The following NRN1L variants were observed in gnomAD, a reference collection of about 807,000 sequenced individuals.
NRN1L encodes the protein neuritin 1 like, also known as neuritin-like protein.
Under a neutral mutation model 8.8 loss-of-function variants are expected in NRN1L, and 12 were observed. That is an observed-to-expected ratio of 1.36 (90% CI 0.87 to 2.20). The LOEUF (loss-of-function observed/expected upper bound fraction) is 2.20, where lower values mean the gene tolerates loss of function less well. Ranked by LOEUF, NRN1L falls within the 30% of genes most tolerant of loss-of-function variation. The pLI is 0.00. For missense variants in NRN1L, 266 were observed against 232.4 expected (o/e 1.14, Z -0.94); for synonymous variants, 114 against 99.2 (o/e 1.15, Z -0.88).
At chr16:67,888,328 G>T (rs1038074021), downstream of NRN1L, among the ~76,000 whole-genome samples, 1 of 152,116 alleles carries the variant, frequency 6.6e-6, no homozygotes, top group South Asian at 2.1e-4. Flanking sequence ...GGGAAGGATG[G>T]TGCTGGGGCT....
At chr16:67,885,334 G>A (rs2058090996) in intron 1 of NRN1L, 7 of 487,168 alleles carry the variant, frequency 1.4e-5, no homozygotes, top group Admixed American at 3.9e-5. Context: ...GAGAGAGTTC[G>A]GAGGGCCAAG....
chr16:67,885,025 C>T (rs1362767166), intron 1 of NRN1L, 43 bp downstream of exon 1: 2 of 1,543,476 alleles, frequency 1.3e-6, no homozygotes. Context: ...CCCCTTCTCG[C>T]CCAGCCAAGC....
intron 1 of NRN1L, 29 bp from the exon 2 acceptor site, chr16:67,885,693 T>TCCCCCCCCCC: frequency 8.0e-6 from 10 of 1,257,210 alleles, no homozygotes; most frequent in South Asian, 2.8e-5. Flanking sequence ...TACCATTCCT[T>TCCCCCCCCCC]CCCCACCCCA....
At position 67,886,134 on chromosome 16, in the gene NRN1L, G is replaced by A. The variant is rs963849558; in HGVS notation, c.373G>A (p.Gly125Ser). Residue 125 changes from glycine to serine, a missense_variant, in exon 3 of 3, where the codon GGC (glycine) becomes AGC (serine). Transcript: ENST00000339176. ...CGAPVHVRERGTGSETNQETL... is the reference protein window; with the variant it reads ...CGAPVHVRERSTGSETNQETL... ...TGCCCCGGTGCATGTTCGGGAGCGCGGCACAGGCTCCGAAACCAACCAGGA... is the reference window on the plus strand; with the variant it reads ...TGCCCCGGTGCATGTTCGGGAGCGCAGCACAGGCTCCGAAACCAACCAGGA... 7 of 1,611,896 alleles carry A rather than the reference G, an allele frequency of 4.3e-6. No individual in the cohort carries two copies. Among genetic ancestry groups the A allele is most frequent in the East Asian group, 4.5e-5 (2 of 44,850 alleles).
downstream of NRN1L, among the ~76,000 whole-genome samples, chr16:67,887,026 T>C (rs2058098803): frequency 6.6e-6 from 1 of 152,146 alleles, no homozygotes; most frequent in South Asian, 2.1e-4. Flanking sequence ...GTCAAAACAA[T>C]TGCAGAAGGC....
rs2058094949 is a variant in NRN1L, at chr16:67,886,068, C to T, written c.307C>T (p.Arg103Cys). Residue 103 changes from arginine (R) to cysteine (C), a missense_variant, in exon 3 of 3, where the codon CGC (arginine) becomes TGC (cysteine). Coordinates refer to ENST00000339176, the MANE Select transcript of NRN1L (RefSeq NM_198443.2). The stretch of plus-strand genomic sequence containing the variant: ...GTGGGAATCACTACAGCAAGAAGCT[C>T]GCCAGGCCCCCCGTCCGAATAACTT... ...AVWESLQQEA[R>C]QAPRPNNLHT... 6.2e-6 allele frequency: 10 copies of T among 1,613,608 alleles called. No homozygotes were observed. The highest frequency in any genetic ancestry group is 4.4e-5 in the South Asian group (4 of 91,012).
chr16:67,886,308 G>A lies in NRN1L; in HGVS notation c.*49G>A. ...CCGTACCTCCAGCCCTGCTCTGGCG[G>A]TGGTTGTCCAGGCTCTGCAGAGCGC... On this transcript the variant is annotated 3_prime_UTR_variant, in exon 3 of 3. Transcript: ENST00000339176. 1 of 1,485,224 alleles carries A rather than the reference G, an allele frequency of 6.7e-7. No individual in the cohort carries two copies. The allele number at this position is 1,485,224 out of a possible 1,614,324, so 92.0% of individuals were successfully genotyped here.
chr16:67,885,703 A>ACC lies in NRN1L; in HGVS notation c.80-15_80-14dup. ...CTATCTACCATTCCTTCCCCACCCCACCCCCGCCCCACTTCTAGTCCTTTT... is the reference window on the plus strand; with the variant it reads ...CTATCTACCATTCCTTCCCCACCCCACCCCCCCGCCCCACTTCTAGTCCTTTT... On this transcript the variant is annotated intron_variant, in intron 1 of 2. Transcript: ENST00000339176. 6 of 635,096 alleles carry ACC rather than the reference A, an allele frequency of 9.4e-6. No homozygotes were observed. Among genetic ancestry groups the ACC allele is most frequent in the Non-Finnish European group, 1.2e-5 (5 of 414,500 alleles). The allele number at this position is 635,096 out of a possible 1,614,324, so 39.3% of individuals were successfully genotyped here.
intron 1 of NRN1L, 186 bp downstream of exon 1, chr16:67,885,168 A>C: frequency 1.7e-6 from 1 of 605,968 alleles, no homozygotes; most frequent in Non-Finnish European, 2.9e-6. Context: ...TGGGAGAAGG[A>C]CTCCAAAATT....
chr16:67,888,069 A>G (rs2058101968), downstream of NRN1L, among the ~76,000 whole-genome samples: 1 of 152,200 alleles, frequency 6.6e-6, no homozygotes, highest in Non-Finnish European at 1.5e-5. Context: ...GTCTAGGTAC[A>G]GGTCAGAATT....
In NRN1L at chr16:67,886,039, C is replaced by A; in HGVS notation, c.278C>A (p.Ala93Glu). 6.2e-7 allele frequency: 1 copy of A among 1,613,990 alleles called. No homozygotes were observed. Among genetic ancestry groups the A allele is most frequent in the Non-Finnish European group, 8.5e-7 (1 of 1,179,874 alleles). The change falls in exon 3 of 3, where the codon GCA (alanine) becomes GAA (glutamate). Residue 93 changes from alanine (A) to glutamate (E), a missense_variant. Transcript: ENST00000339176. ...TCAGGCTGTCCGGAGGAGGCAGCTG[C>A]AGTGTGGGAATCACTACAGCAAGAA... ...VLSGCPEEAA[A>E]VWESLQQEAR...
At position 67,884,958 on chromosome 16, in the gene NRN1L, A is replaced by AG; in HGVS notation, c.57dup (p.Pro20AlafsTer24). 1 of 1,608,310 alleles carries AG rather than the reference A, an allele frequency of 6.2e-7. No individual in the cohort carries two copies. Among genetic ancestry groups the AG allele is most frequent in the Non-Finnish European group, 8.5e-7 (1 of 1,179,726 alleles). On this transcript the variant is annotated frameshift_variant, in exon 1 of 3. Transcript: ENST00000339176. LOFTEE classifies it high-confidence loss of function. This position sits in a 1 kb window ranked among gnomAD's most constrained non-coding sequence, Gnocchi z 4.1. Reference sequence around the variant, plus strand: ...CTGCCGGCAACCACCCCATGCCCTGAGGCCGTTGCTGTTGCTGCCCCTCGG... The same window carrying AG: ...CTGCCGGCAACCACCCCATGCCCTGAGGGCCGTTGCTGTTGCTGCCCCTCGG...
intron 1 of NRN1L, 21 bp from the exon 2 acceptor site, chr16:67,885,701 C>A (rs1323044004): frequency 2.4e-5 from 28 of 1,151,730 alleles, no homozygotes; most frequent in South Asian, 5.8e-5. Context: ...CTTCCCCACC[C>A]CACCCCCGCC....
At position 67,886,306 on chromosome 16, in the gene NRN1L, C is replaced by T. The variant is rs753669108; in HGVS notation, c.*47C>T. ...GCCCGTACCTCCAGCCCTGCTCTGG[C>T]GGTGGTTGTCCAGGCTCTGCAGAGC... On this transcript the variant is annotated 3_prime_UTR_variant, in exon 3 of 3. Coordinates refer to ENST00000339176, the MANE Select transcript of NRN1L (RefSeq NM_198443.2). 6 of 1,478,308 alleles carry T rather than the reference C, an allele frequency of 4.1e-6. No individual in the cohort carries two copies. The highest frequency in any genetic ancestry group is 1.4e-5 in the African/African-American group (1 of 71,446). The allele number at this position is 1,478,308 out of a possible 1,614,324, so 91.6% of individuals were successfully genotyped here. A position where few individuals can be genotyped will look rare whatever the true frequency, so the allele number is the denominator to read the frequency against.
Position 67,884,919 on chromosome 16 carries a change from C to CGCT in NRN1L, c.18_19insTGC (p.Arg6_Arg7insCys). 6.2e-7 allele frequency: 1 copy of CGCT among 1,605,490 alleles called. No individual in the cohort carries two copies. The highest frequency in any genetic ancestry group is 8.5e-7 in the Non-Finnish European group (1 of 1,179,510). On this transcript the variant is annotated inframe_insertion, in exon 1 of 3. Transcript: ENST00000339176. The surrounding 1 kb of genome is among the most constrained non-coding windows in gnomAD (Gnocchi z 4.1). ...TCAGCCAGGGATGATGCGCTGCTGCCGCCGCCGCTGCTGCTGCCGGCAACC... is the reference window on the plus strand; with the variant it reads ...TCAGCCAGGGATGATGCGCTGCTGCCGCTGCCGCCGCTGCTGCTGCCGGCAACC...
At chr16:67,885,941 C>G (rs370251298) in intron 2 of NRN1L, 33 bp from the exon 3 acceptor site, 76 of 1,605,044 alleles carry the variant, frequency 4.7e-5, no homozygotes, top group Middle Eastern at 1.7e-4. Flanking sequence ...CTCCTTGCCT[C>G]ACCTAATCCC....
chr16:67,885,388 C>G (rs1040104379), intron 1 of NRN1L: 2 of 465,176 alleles, frequency 4.3e-6, no homozygotes, highest in Non-Finnish European at 7.6e-6. Flanking sequence ...GCTCCTGGTC[C>G]GGGGCCTCTG....
At chr16:67,885,460 G>A (rs774518225) in intron 1 of NRN1L, 5 of 494,442 alleles carry the variant, frequency 1.0e-5, no homozygotes, top group South Asian at 2.9e-5. Flanking sequence ...CCCCACCTGC[G>A]GCCCCAGAAG....
At chr16:67,886,438 C>T (rs1414764957), downstream of NRN1L, 1 of 626,766 alleles carries the variant, frequency 1.6e-6, no homozygotes, top group Non-Finnish European at 2.7e-6. Context: ...AGAAACTGAT[C>T]CTTTGCTTGG....
Sources: gnomAD v4.1 joint callset for allele counts (sites outside exome capture counted in the v4.1 genomes callset) on GRCh38, gnomAD v4.1.1 for gene constraint, Gnocchi (gnomAD v3.1) non-coding constraint, MANE v1.5 for transcripts, NCBI Gene and HGNC (gene_info 2026-07-23, HGNC 2026-07-21) for gene names.